Variants in CSMD1 observed in about 807,000 individuals in gnomAD.
CSMD1 encodes CUB and sushi domain-containing protein 1.
In CSMD1, 213 loss-of-function variants were observed where a neutral mutation model predicts 417.5. That is an observed-to-expected ratio of 0.51 (90% CI 0.46 to 0.57). The LOEUF (loss-of-function observed/expected upper bound fraction) is 0.57, where lower values mean the gene tolerates loss of function less well. Ranked by LOEUF, CSMD1 falls within the 20% of genes least tolerant of loss-of-function variation. The probability of loss-of-function intolerance (pLI) is 0.00; values close to 1 mark genes in which losing one functional copy is unlikely to be tolerated. For missense variants in CSMD1, 6,923 were observed against 4,529.7 expected (o/e 1.53, Z -15.17); for synonymous variants, 2,862 against 1,736.8 (o/e 1.65, Z -16.11).
At chr8:4,332,586 CACACACACACACACACACACAG>C (rs1405920762) in intron 3 of CSMD1, among the ~76,000 whole-genome samples, 22 of 142,196 alleles carry the variant, frequency 1.5e-4, no homozygotes, top group African/African-American at 5.4e-4. Context: ...CACACACACA[CACACACACACACACACACACAG>C]AGTCATATGC....
At chr8:4,897,851 G>C (rs947743341) in intron 1 of CSMD1, among the ~76,000 whole-genome samples, 31 of 152,088 alleles carry the variant, frequency 2.0e-4, no homozygotes, top group Admixed American at 1.8e-3. Flanking sequence ...AGAAGAGAAA[G>C]GCAATCTAGA....
At chr8:3,998,632 C>T (rs1231813082) in intron 4 of CSMD1, among the ~76,000 whole-genome samples, 3 of 152,032 alleles carry the variant, frequency 2.0e-5, no homozygotes, top group African/African-American at 4.8e-5. Context: ...CACATCACCT[C>T]ATAAAAAGGT....
chr8:3,767,377 A>G (rs1011155848), intron 5 of CSMD1, among the ~76,000 whole-genome samples: 3 of 152,222 alleles, frequency 2.0e-5, no homozygotes, highest in Non-Finnish European at 2.9e-5. Context: ...CATGTGGGTG[A>G]CCTCAGGCCT....
chr8:2,988,489 C>G (rs1326603676), intron 54 of CSMD1, among the ~76,000 whole-genome samples: 1 of 152,146 alleles, frequency 6.6e-6, no homozygotes, highest in Non-Finnish European at 1.5e-5. Context: ...ACTGGCTCAA[C>G]TCTTAGGCAT....
At chr8:3,573,256 T>A (rs761457981) in intron 10 of CSMD1, among the ~76,000 whole-genome samples, 1 of 152,204 alleles carries the variant, frequency 6.6e-6, no homozygotes, top group Non-Finnish European at 1.5e-5. Context: ...TTGCCCAAAT[T>A]CATGCAACTA....
intron 2 of CSMD1, among the ~76,000 whole-genome samples, chr8:4,463,835 C>A (rs983144421): frequency 1.3e-5 from 2 of 152,030 alleles, no homozygotes; most frequent in Non-Finnish European, 2.9e-5. Flanking sequence ...GAATGCATAA[C>A]CCCAGGAATA....
chr8:3,737,725 G>A (rs1195788880), intron 6 of CSMD1, among the ~76,000 whole-genome samples: 2 of 152,158 alleles, frequency 1.3e-5, no homozygotes, highest in African/African-American at 4.8e-5. Flanking sequence ...TTGAGGCAGT[G>A]ATATTTAATT....
chr8:4,721,680 T>C (rs1395919394), intron 1 of CSMD1, among the ~76,000 whole-genome samples: 2 of 152,130 alleles, frequency 1.3e-5, no homozygotes, highest in African/African-American at 2.4e-5. Flanking sequence ...AGAAATATCA[T>C]ATAACCCAGC....
chr8:4,786,877 G>C (rs1009885339), intron 1 of CSMD1, among the ~76,000 whole-genome samples: 1 of 152,132 alleles, frequency 6.6e-6, no homozygotes, highest in Non-Finnish European at 1.5e-5. Context: ...AATTATTTAA[G>C]TGAAATGCTA....
chr8:4,464,145 C>T (rs1416219184), intron 2 of CSMD1, among the ~76,000 whole-genome samples: 1 of 146,572 alleles, frequency 6.8e-6, no homozygotes, highest in East Asian at 2.0e-4. Context: ...CTTATCCCTC[C>T]AGCTGGAATT....
chr8:4,442,321 AAAGTAG>A (rs1280551273), intron 2 of CSMD1, among the ~76,000 whole-genome samples: 1 of 152,176 alleles, frequency 6.6e-6, no homozygotes, highest in African/African-American at 2.4e-5. Flanking sequence ...CACAAAGTAT[AAAGTAG>A]AAGTTCTCCT....
At chr8:3,843,711 T>A (rs147154200) in intron 5 of CSMD1, among the ~76,000 whole-genome samples, 7 of 152,262 alleles carry the variant, frequency 4.6e-5, no homozygotes, top group South Asian at 2.1e-4. Context: ...CAGACCTAGT[T>A]TGAGCACTGA....
intron 3 of CSMD1, among the ~76,000 whole-genome samples, chr8:4,122,480 G>A (rs1174083151): frequency 3.3e-5 from 5 of 152,144 alleles, no homozygotes; most frequent in South Asian, 2.1e-4. Context: ...TAAGAGACAC[G>A]TAGATTAAGT....
chr8:3,925,148 C>A (rs1457371309), intron 5 of CSMD1, among the ~76,000 whole-genome samples: 2 of 152,214 alleles, frequency 1.3e-5, no homozygotes, highest in African/African-American at 4.8e-5. Context: ...AGCTAATCCA[C>A]TTCCCAAATC....
chr8:4,056,818 G>C (rs73500948), intron 3 of CSMD1, among the ~76,000 whole-genome samples: 2,306 of 152,190 alleles, frequency 0.015, 56 homozygotes, highest in East Asian at 0.089. Flanking sequence ...AGTTTACTGA[G>C]AATGATGATT....
intron 1 of CSMD1, among the ~76,000 whole-genome samples, chr8:4,934,886 T>C (rs1274266257): frequency 6.6e-6 from 1 of 152,182 alleles, no homozygotes; most frequent in East Asian, 1.9e-4. Flanking sequence ...CATGTCTATC[T>C]GTATCTATCA....
intron 5 of CSMD1, among the ~76,000 whole-genome samples, chr8:3,938,781 T>C (rs1395587082): frequency 6.6e-6 from 1 of 152,190 alleles, no homozygotes; most frequent in African/African-American, 2.4e-5. Flanking sequence ...ATGTGACACG[T>C]CAGATGAATC....
intron 3 of CSMD1, among the ~76,000 whole-genome samples, chr8:4,356,218 T>C (rs1801422930): frequency 6.6e-6 from 1 of 152,168 alleles, no homozygotes; most frequent in African/African-American, 2.4e-5. Context: ...TGGTTTTCCA[T>C]TCCTGAGTTA....
chr8:4,385,912 G>A (rs866333565), intron 3 of CSMD1, among the ~76,000 whole-genome samples: 1 of 152,148 alleles, frequency 6.6e-6, no homozygotes, highest in South Asian at 2.1e-4. Flanking sequence ...CAGTTCTCCA[G>A]GAATTCCAGA....
Sources: gnomAD v4.1 joint callset for allele counts (sites outside exome capture counted in the v4.1 genomes callset) on GRCh38, gnomAD v4.1.1 for gene constraint, MANE v1.5 for transcripts, NCBI Gene and HGNC (gene_info 2026-07-23, HGNC 2026-07-21) for gene names.